Variants in RETREG1 observed in about 807,000 individuals in gnomAD.
The protein encoded by RETREG1 is reticulophagy regulator 1.
RETREG1 carries 44 observed loss-of-function variants against 54.8 expected under a neutral mutation model. The ratio of observed to expected loss-of-function variants is 0.80; its 90% CI spans 0.63 to 1.03. The LOEUF (loss-of-function observed/expected upper bound fraction) is 1.03. RETREG1 is among the 50% of genes least tolerant of loss of function. The pLI is 0.00. For missense variants in RETREG1, 554 were observed against 605.1 expected (o/e 0.92, Z 0.89); for synonymous variants, 217 against 238.5 (o/e 0.91, Z 0.83).
At position 16,579,435 on chromosome 5, in the gene RETREG1, T is replaced by C. The variant is rs541144631; in HGVS notation, c.321-7333A>G. ...GCCTCTTAATCTGCCTGCTCCCACA[T>C]GAAAAGAGCTGGAAGGACTGGCACC... On this transcript the variant is annotated intron_variant, in intron 1 of 8. Coordinates refer to ENST00000306320, the MANE Select transcript of RETREG1 (RefSeq NM_001034850.3). 1.1e-4 allele frequency among the ~76,000 whole-genome samples: 17 copies of C among 152,330 alleles called. No homozygotes were observed. The South Asian group carries it at 3.5e-3, about 32-fold the overall frequency.
chr5:16,488,317 G>A (rs556952748), intron 3 of RETREG1, among the ~76,000 whole-genome samples: 4 of 152,218 alleles, frequency 2.6e-5, no homozygotes, highest in African/African-American at 9.6e-5. Context: ...CCTAAGGGAT[G>A]AGAAACCAAT....
At chr5:16,482,681 A>G (rs561362783) in intron 4 of RETREG1, among the ~76,000 whole-genome samples, 3 of 152,168 alleles carry the variant, frequency 2.0e-5, no homozygotes, top group Admixed American at 6.6e-5. Flanking sequence ...TGGAATAGAC[A>G]AGGTCTATTG....
At chr5:16,506,249 G>T (rs957794507) in intron 3 of RETREG1, among the ~76,000 whole-genome samples, 1 of 152,140 alleles carries the variant, frequency 6.6e-6, no homozygotes, top group Non-Finnish European at 1.5e-5. Flanking sequence ...AGCAATCTAG[G>T]ACACCAAGTG....
At position 16,573,742 on chromosome 5, in the gene RETREG1, GTTTT is replaced by G. The variant is rs34651832; in HGVS notation, c.321-1644_321-1641del. Reference sequence around the variant, plus strand: ...GGTTTTTTGGGTTTGTTTGTTTTTTGTTTTTTTTTTTTTTTTTTTGAGATGGAGT... The same window carrying G: ...GGTTTTTTGGGTTTGTTTGTTTTTTGTTTTTTTTTTTTTTTGAGATGGAGT... On this transcript the variant is annotated intron_variant, in intron 1 of 8. Coordinates refer to ENST00000306320, the MANE Select transcript of RETREG1 (RefSeq NM_001034850.3). Among the ~76,000 whole-genome samples the G allele has an allele frequency of 6.5e-3, 827 of 126,468 alleles. 6 individuals carry two copies. Among genetic ancestry groups the G allele is most frequent in the African/African-American group, 0.022 (762 of 34,144 alleles). 83.0% of individuals were successfully genotyped at this position (126,468 alleles called of 152,430 possible). A position where few individuals can be genotyped will look rare whatever the true frequency, so the allele number is the denominator to read the frequency against.
In RETREG1 at chr5:16,531,304, C is replaced by T. The variant is rs552745288; in HGVS notation, c.458+34459G>A. Among the ~76,000 whole-genome samples, 12 of 152,248 alleles carry T rather than the reference C, an allele frequency of 7.9e-5. No individual in the cohort carries two copies. In the South Asian group the frequency reaches 1.9e-3, roughly 24 times the overall value. ...AGCCAGGGCTATGTTTTTCTTCTCT[C>T]GAATCATCCATGGCTCACAGCACAG... On this transcript the variant is annotated intron_variant, in intron 3 of 8. Transcript: ENST00000306320.
At chr5:16,599,116 G>A (rs778297499) in intron 1 of RETREG1, among the ~76,000 whole-genome samples, 6 of 152,172 alleles carry the variant, frequency 3.9e-5, no homozygotes, top group South Asian at 2.1e-4. Context: ...GCTGATGGGC[G>A]AGGGCTGCTT....
At chr5:16,498,122 T>G (rs946941484) in intron 3 of RETREG1, among the ~76,000 whole-genome samples, 3 of 152,206 alleles carry the variant, frequency 2.0e-5, no homozygotes, top group African/African-American at 4.8e-5. Context: ...TTCACAATAT[T>G]TCGGAATGGA....
chr5:16,516,527 C>T (rs62369686), intron 3 of RETREG1, among the ~76,000 whole-genome samples: 2 of 152,076 alleles, frequency 1.3e-5, no homozygotes, highest in Admixed American at 1.3e-4. Context: ...AGGGCCTGAG[C>T]ACCCGCATCT....
chr5:16,490,325 ATATCT>A (rs1739193115), intron 3 of RETREG1, among the ~76,000 whole-genome samples: 1 of 152,226 alleles, frequency 6.6e-6, no homozygotes, highest in Admixed American at 6.5e-5. Flanking sequence ...ATTGTTTAAA[ATATCT>A]TAAATTATGA....
At chr5:16,592,822 T>TG (rs1400320184) in intron 1 of RETREG1, among the ~76,000 whole-genome samples, 6 of 152,032 alleles carry the variant, frequency 3.9e-5, no homozygotes, top group Admixed American at 3.9e-4. Context: ...ATGTTCTCAC[T>TG]TATAAGTGGG....
At chr5:16,589,486 T>C (rs751040282) in intron 1 of RETREG1, among the ~76,000 whole-genome samples, 21 of 152,320 alleles carry the variant, frequency 1.4e-4, no homozygotes, top group Non-Finnish European at 1.5e-4. Flanking sequence ...GTGATTCTCC[T>C]GCCTCAGCCT....
intron 3 of RETREG1, among the ~76,000 whole-genome samples, chr5:16,556,152 C>CCTTTTTTTTTT (rs2126620761): frequency 8.7e-6 from 1 of 114,712 alleles, no homozygotes; most frequent in South Asian, 3.0e-4. Context: ...ACAGGAAACA[C>CCTTTTTTTTTT]CTTTTTTTTT....
intron 3 of RETREG1, among the ~76,000 whole-genome samples, chr5:16,501,517 C>T (rs1475223553): frequency 6.8e-6 from 1 of 146,804 alleles, no homozygotes; most frequent in African/African-American, 2.5e-5. Flanking sequence ...CATTGGCCTG[C>T]AATTTTTATT....
intron 1 of RETREG1, among the ~76,000 whole-genome samples, chr5:16,580,589 G>A (rs183594059): frequency 4.6e-5 from 7 of 152,274 alleles, no homozygotes; most frequent in Admixed American, 2.0e-4. Flanking sequence ...CCACAGAAAC[G>A]TGTGGTAACC....
At chr5:16,508,638 T>G in intron 3 of RETREG1, 1 of 1,614,044 alleles carries the variant, frequency 6.2e-7, no homozygotes, top group Non-Finnish European at 8.5e-7. Context: ...ATAATAACAG[T>G]GGCAAAGGCT....
intron 3 of RETREG1, among the ~76,000 whole-genome samples, chr5:16,500,903 G>A (rs1739681841): frequency 6.6e-6 from 1 of 151,462 alleles, no homozygotes; most frequent in Non-Finnish European, 1.5e-5. Flanking sequence ...TCCTGAAAAG[G>A]GGCCCCAGGT....
chr5:16,559,433 G>A (rs559331631), intron 3 of RETREG1, among the ~76,000 whole-genome samples: 5 of 152,272 alleles, frequency 3.3e-5, no homozygotes, highest in South Asian at 4.2e-4. Context: ...CTGCAAGCTC[G>A]GGAAGCCCCA....
chr5:16,548,698 A>C (rs996434326), intron 3 of RETREG1, among the ~76,000 whole-genome samples: 9 of 152,250 alleles, frequency 5.9e-5, no homozygotes, highest in Non-Finnish European at 1.2e-4. Flanking sequence ...GATCTTGAGA[A>C]TACTGTTATA....
chr5:16,534,344 T>C (rs998516777), intron 3 of RETREG1, among the ~76,000 whole-genome samples: 3 of 152,158 alleles, frequency 2.0e-5, no homozygotes, highest in Non-Finnish European at 1.5e-5. Flanking sequence ...CTTTGACTGT[T>C]TGAACTGTAT....
Sources: gnomAD v4.1 joint callset for allele counts (sites outside exome capture counted in the v4.1 genomes callset) on GRCh38, gnomAD v4.1.1 for gene constraint, MANE v1.5 for transcripts, NCBI Gene and HGNC (gene_info 2026-07-23, HGNC 2026-07-21) for gene names.